The following ADARB2 variants were observed in gnomAD, a reference collection of about 807,000 sequenced individuals.
ADARB2 encodes the protein inactive double-stranded RNA-specific editase B2.
A neutral mutation model predicts 62.2 loss-of-function variants in ADARB2; 25 were observed. The observed-to-expected ratio is 0.40, with a 90% confidence interval of 0.29 to 0.56. The LOEUF is 0.56. ADARB2 is among the 20% of genes least tolerant of loss of function. The pLI, the probability that ADARB2 is intolerant of heterozygous loss-of-function variation, is 0.43. For synonymous variants in ADARB2, 572 were observed against 500.8 expected (o/e 1.14, Z -1.90); for missense variants, 1,071 against 1,077.4 (o/e 0.99, Z 0.08).
Position 1,686,415 on chromosome 10 carries a change from G to A in ADARB2, c.100+50636C>T, listed in dbSNP as rs559325025. On this transcript the variant is annotated intron_variant, in intron 1 of 9. Transcript: ENST00000381312. ...AAGGAAGCATACCTTGAAAACTACA[G>A]CTGCCGCAAGCTCTTGCAATCAGGA... 2.0e-5 allele frequency among the ~76,000 whole-genome samples: 3 copies of A among 152,346 alleles called. No homozygotes were observed. In the East Asian group the frequency reaches 5.8e-4, roughly 29 times the overall value.
chr10:1,187,812 G>T (rs773779711), intron 8 of ADARB2: 12 of 421,880 alleles, frequency 2.8e-5, no homozygotes, highest in Non-Finnish European at 4.9e-5. Flanking sequence ...GGTGGGCTGC[G>T]GGGTCGTCCA....
chr10:1,595,539 G>T (rs575161218), intron 1 of ADARB2, among the ~76,000 whole-genome samples: 3 of 152,246 alleles, frequency 2.0e-5, no homozygotes, highest in Admixed American at 2.0e-4. Context: ...TGCCATCAGG[G>T]TCAGAGGCTG....
chr10:1,273,032 G>T (rs1000751033), intron 3 of ADARB2, among the ~76,000 whole-genome samples: 16 of 152,288 alleles, frequency 1.1e-4, no homozygotes, highest in African/African-American at 3.8e-4. Context: ...TCTCCTCTGT[G>T]TCTGTGTCTG....
chr10:1,379,000 T>G, intron 2 of ADARB2, 74 bp downstream of exon 2: 1 of 1,292,494 alleles, frequency 7.7e-7, no homozygotes, highest in Non-Finnish European at 1.1e-6. Context: ...ATCTCAGGTT[T>G]TGGGGACTGC....
At chr10:1,231,276 T>A (rs1395316211) in intron 6 of ADARB2, among the ~76,000 whole-genome samples, 1 of 152,220 alleles carries the variant, frequency 6.6e-6, no homozygotes, top group Non-Finnish European at 1.5e-5. Flanking sequence ...GTCTTTACGA[T>A]GCCAACCCTT....
At chr10:1,184,165 A>C (rs536738307) in intron 9 of ADARB2, among the ~76,000 whole-genome samples, 9 of 152,322 alleles carry the variant, frequency 5.9e-5, no homozygotes, top group African/African-American at 2.2e-4. Context: ...AGGCATTAGT[A>C]TGCCTGCCCT....
intron 3 of ADARB2, among the ~76,000 whole-genome samples, chr10:1,348,102 T>C (rs1028552263): frequency 6.6e-6 from 1 of 151,952 alleles, no homozygotes; most frequent in Non-Finnish European, 1.5e-5. Flanking sequence ...CCCGGGCCCC[T>C]GCAGGGCTAT....
intron 1 of ADARB2, among the ~76,000 whole-genome samples, chr10:1,720,786 A>T (rs1835081413): frequency 6.6e-6 from 1 of 152,192 alleles, no homozygotes. Context: ...CACTCAAGGC[A>T]AATTTGGGGG....
At chr10:1,454,102 A>G (rs4457674) in intron 1 of ADARB2, among the ~76,000 whole-genome samples, 116,430 of 152,146 alleles carry the variant, frequency 0.77, 45,535 homozygotes, top group Middle Eastern at 0.85. Context: ...CAGTCATGGC[A>G]GAAGGGGAAT....
chr10:1,270,831 T>A, intron 4 of ADARB2, 124 bp downstream of exon 4: 1 of 804,520 alleles, frequency 1.2e-6, no homozygotes, highest in Non-Finnish European at 2.0e-6. Flanking sequence ...TGCTATAATA[T>A]TTTGTCTTTC....
chr10:1,213,176 CAAGGACAGAGATAAAAAGACAAA>C (rs1251499455), intron 7 of ADARB2, among the ~76,000 whole-genome samples: 1 of 151,390 alleles, frequency 6.6e-6, no homozygotes, highest in Non-Finnish European at 1.5e-5. Flanking sequence ...GACAAGCAGA[CAAGGACAGAGATAAAAAGACAAA>C]GAGAGACAGA....
chr10:1,241,304 G>C (rs1830919939), intron 5 of ADARB2, among the ~76,000 whole-genome samples: 1 of 152,194 alleles, frequency 6.6e-6, no homozygotes, highest in Non-Finnish European at 1.5e-5. Context: ...GTTTTCAGCA[G>C]CGTCTGCTTA....
At chr10:1,282,131 C>T (rs1160182854) in intron 3 of ADARB2, among the ~76,000 whole-genome samples, 1 of 152,188 alleles carries the variant, frequency 6.6e-6, no homozygotes. Context: ...ATCTCTTTCT[C>T]CAGGAAGTGG....
intron 1 of ADARB2, among the ~76,000 whole-genome samples, chr10:1,461,086 G>A (rs751612846): frequency 3.3e-5 from 5 of 152,198 alleles, no homozygotes; most frequent in Non-Finnish European, 2.9e-5. Flanking sequence ...AGTAGTCAAC[G>A]CAATCAACTT....
chr10:1,487,041 A>G (rs2131928816), intron 1 of ADARB2, among the ~76,000 whole-genome samples: 1 of 152,364 alleles, frequency 6.6e-6, no homozygotes. Flanking sequence ...AACTCTAGAA[A>G]GTCGTGGAGC....
intron 6 of ADARB2, among the ~76,000 whole-genome samples, chr10:1,232,833 T>C (rs1468796780): frequency 6.7e-6 from 1 of 150,156 alleles, no homozygotes; most frequent in East Asian, 2.0e-4. Flanking sequence ...CTATATGTGG[T>C]ATGTGTGTGG....
chr10:1,583,333 T>C (rs1417622813), intron 1 of ADARB2, among the ~76,000 whole-genome samples: 3 of 152,242 alleles, frequency 2.0e-5, no homozygotes, highest in Non-Finnish European at 4.4e-5. Context: ...CTTGAGAATC[T>C]ACAGAGCTTT....
chr10:1,349,152 G>A (rs1395101842), intron 3 of ADARB2, among the ~76,000 whole-genome samples: 25 of 152,250 alleles, frequency 1.6e-4, no homozygotes, highest in Non-Finnish European at 4.4e-5. Flanking sequence ...TGCCTTAACT[G>A]ATGATGACAT....
chr10:1,680,131 A>G (rs878999600), intron 1 of ADARB2, among the ~76,000 whole-genome samples: 1 of 151,808 alleles, frequency 6.6e-6, no homozygotes, highest in Non-Finnish European at 1.5e-5. Flanking sequence ...ACTGCCCTAC[A>G]TATTCTTTCC....
Sources: allele counts gnomAD v4.1 joint callset (sites outside exome capture counted in the v4.1 genomes callset), GRCh38; gene constraint gnomAD v4.1.1; transcripts MANE v1.5; gene names NCBI Gene and HGNC (gene_info 2026-07-23, HGNC 2026-07-21).